The following PRRC2B variants were observed in gnomAD, a reference collection of about 807,000 sequenced individuals.
PRRC2B encodes the protein proline rich coiled-coil 2B.
A neutral mutation model predicts 242.3 loss-of-function variants in PRRC2B; 68 were observed. That is an observed-to-expected ratio of 0.28 (90% CI 0.23 to 0.34). PRRC2B has a LOEUF of 0.34. Among genes scored for constraint, PRRC2B ranks in the 10% least tolerant of loss-of-function variants. The pLI, the probability that PRRC2B is intolerant of heterozygous loss-of-function variation, is 1.00. For synonymous variants in PRRC2B, 1,228 were observed against 1,173.6 expected (o/e 1.05, Z -0.95); for missense variants, 2,835 against 2,954.8 (o/e 0.96, Z 0.94).
At chr9:131,419,422 A>G (rs1433927983) in intron 1 of PRRC2B, among the ~76,000 whole-genome samples, 1 of 152,178 alleles carries the variant, frequency 6.6e-6, no homozygotes, top group Non-Finnish European at 1.5e-5. Flanking sequence ...CCCAGTGCAC[A>G]GGAGGAGGTA....
intron 5 of PRRC2B, among the ~76,000 whole-genome samples, chr9:131,443,437 A>G (rs1225168569): frequency 2.0e-5 from 3 of 149,314 alleles, no homozygotes; most frequent in Admixed American, 2.0e-4. Flanking sequence ...CGCCTGGCCT[A>G]TTTTTTTATT....
At chr9:131,406,909 C>G (rs922690309) in intron 1 of PRRC2B, among the ~76,000 whole-genome samples, 1 of 152,212 alleles carries the variant, frequency 6.6e-6, no homozygotes, top group Admixed American at 6.5e-5. Context: ...CAAGAGAGGA[C>G]TGCTGTCTTA....
Position 131,494,284 on chromosome 9 carries a change from C to T in PRRC2B, c.6474-121C>T, listed in dbSNP as rs904865356. 3.5e-5 allele frequency: 22 copies of T among 620,634 alleles called. No homozygotes were observed. The highest frequency in any genetic ancestry group is 3.1e-4 in the Admixed American group (11 of 35,080). 38.4% of individuals were successfully genotyped at this position (620,634 alleles called of 1,614,324 possible). Reference sequence around the variant, plus strand: ...CATCCAAGAGATCCACGGACCGTCCCGAGTGAGCGCCTCTGGCCGCAGGCC... The same window carrying T: ...CATCCAAGAGATCCACGGACCGTCCTGAGTGAGCGCCTCTGGCCGCAGGCC... On this transcript the variant is annotated intron_variant, in intron 30 of 31. Transcript: ENST00000683519. This position sits in a 1 kb window ranked among gnomAD's most constrained non-coding sequence, Gnocchi z 4.3.
chr9:131,473,283 C>G (rs1285946040), intron 14 of PRRC2B, among the ~76,000 whole-genome samples: 1 of 152,140 alleles, frequency 6.6e-6, no homozygotes, highest in Non-Finnish European at 1.5e-5. Context: ...TTTCTTGCCC[C>G]CTTCCTTGGA....
At chr9:131,489,221 G>A (rs1944114629) in intron 28 of PRRC2B, among the ~76,000 whole-genome samples, 1 of 137,604 alleles carries the variant, frequency 7.3e-6, no homozygotes, top group Non-Finnish European at 1.5e-5. Flanking sequence ...GTTTCGCTCT[G>A]TTGCCCAGGC....
intron 5 of PRRC2B, among the ~76,000 whole-genome samples, chr9:131,443,458 G>A (rs978340822): frequency 1.7e-4 from 25 of 150,898 alleles, no homozygotes; most frequent in African/African-American, 5.9e-4. Flanking sequence ...TTTAGAGAGA[G>A]GGTCTCACTT....
chr9:131,482,763 C>T lies in PRRC2B; in HGVS notation c.5229C>T (p.Gly1743=). Residue 1743 remains glycine (G), a synonymous_variant, in exon 22 of 32, where the codon GGC becomes GGT. Coordinates refer to ENST00000683519, the MANE Select transcript of PRRC2B (RefSeq NM_013318.4). This position sits in a 1 kb window ranked among gnomAD's most constrained non-coding sequence, Gnocchi z 5.2. ...AGGAGCACAGACCAGGACCCATCGG[C>T]AACGAGCGTTCTCTGAAAAACAGAA... ...QSKEHRPGPI[G]NERSLKNRKG... 1 of 1,612,026 alleles carries T rather than the reference C, an allele frequency of 6.2e-7. No individual in the cohort carries two copies. Among genetic ancestry groups the T allele is most frequent in the Non-Finnish European group, 8.5e-7 (1 of 1,178,990 alleles).
In PRRC2B at chr9:131,497,309, G is replaced by C. The variant is rs1037029111; in HGVS notation, c.*1435G>C. The C allele has an allele frequency of 6.6e-6, 1 of 152,272 alleles. No individual in the cohort carries two copies. Among genetic ancestry groups the C allele is most frequent in the African/African-American group, 2.4e-5 (1 of 41,466 alleles). The allele number at this position is 152,272 out of a possible 1,614,324, so 9.4% of individuals were successfully genotyped here. ...GCCAGAGGCTTGTGTGAGCCATCGT[G>C]TGCTGGGCTTGTTTTTAAGTAAGAA... On this transcript the variant is annotated 3_prime_UTR_variant, in exon 32 of 32. Transcript: ENST00000683519.
At chr9:131,488,914 T>A (rs1229487784) in intron 28 of PRRC2B, among the ~76,000 whole-genome samples, 1 of 152,222 alleles carries the variant, frequency 6.6e-6, no homozygotes, top group Non-Finnish European at 1.5e-5. Context: ...GCTTGCAGTC[T>A]GTCTCCACTC....
chr9:131,395,351 G>A (rs375792979), intron 1 of PRRC2B, among the ~76,000 whole-genome samples: 2 of 152,180 alleles, frequency 1.3e-5, no homozygotes, highest in South Asian at 4.2e-4. Flanking sequence ...AACCAATTGT[G>A]TGCGGTCTTA....
chr9:131,443,886 A>G (rs951553310), intron 5 of PRRC2B, among the ~76,000 whole-genome samples: 2 of 152,152 alleles, frequency 1.3e-5, no homozygotes, highest in African/African-American at 4.8e-5. Context: ...CAGTCAGTAG[A>G]ACCTTCCCTG....
At chr9:131,456,480 A>T (rs1196736164) in intron 10 of PRRC2B, among the ~76,000 whole-genome samples, 1 of 151,926 alleles carries the variant, frequency 6.6e-6, no homozygotes, top group Non-Finnish European at 1.5e-5. Context: ...AAATACAAAA[A>T]ACTAGCTGGG....
chr9:131,390,206 T>C (rs550571035), upstream of PRRC2B, among the ~76,000 whole-genome samples: 356 of 148,726 alleles, frequency 2.4e-3, 2 homozygotes, highest in African/African-American at 8.3e-3. Flanking sequence ...AGCCACTGCG[T>C]CTGGCCTGTG....
At chr9:131,375,027 A>G (rs1836666409) in intron 1 of PRRC2B, among the ~76,000 whole-genome samples, 1 of 152,188 alleles carries the variant, frequency 6.6e-6, no homozygotes, top group Admixed American at 6.6e-5. Context: ...CAGACTACCC[A>G]GGTTTGAGTC....
chr9:131,405,250 A>C (rs1404542333), intron 1 of PRRC2B, among the ~76,000 whole-genome samples: 1 of 152,192 alleles, frequency 6.6e-6, no homozygotes, highest in Non-Finnish European at 1.5e-5. Context: ...GGTGAAGGCC[A>C]CTGTGGGAGC....
Position 131,473,618 on chromosome 9 carries a change from T to C in PRRC2B, c.2218T>C (p.Ser740Pro), listed in dbSNP as rs1158091418. ...AGAAAGAAAAGTGACCCCCATCGAC[T>C]CACCCCCTGTGTGGAGCCCAGAGGG... ...LQERKVTPID[S>P]PPVWSPEGYM... Residue 740 changes from serine to proline, a missense_variant, in exon 15 of 32, where the codon TCA becomes CCA. Physicochemically the swap from Ser to Pro is moderately conservative, Grantham distance 74. Coordinates refer to ENST00000683519, the MANE Select transcript of PRRC2B (RefSeq NM_013318.4). The C allele has an allele frequency of 6.2e-7, 1 of 1,613,530 alleles. No homozygotes were observed. Among genetic ancestry groups the C allele is most frequent in the Non-Finnish European group, 8.5e-7 (1 of 1,179,766 alleles).
At chr9:131,404,676 A>G (rs967797610) in intron 1 of PRRC2B, among the ~76,000 whole-genome samples, 1 of 152,176 alleles carries the variant, frequency 6.6e-6, no homozygotes, top group Non-Finnish European at 1.5e-5. Context: ...GTATTCTTCA[A>G]GCATGCTGCT....
At chr9:131,425,555 C>G (rs907192136) in intron 1 of PRRC2B, among the ~76,000 whole-genome samples, 1 of 151,936 alleles carries the variant, frequency 6.6e-6, no homozygotes, top group African/African-American at 2.4e-5. Context: ...GTGGCGCGAT[C>G]TCAGCTCACT....
At position 131,498,700 on chromosome 9, in the gene PRRC2B, TC is replaced by T. The variant is rs1944393981; in HGVS notation, c.*2828del. 1 of 152,230 alleles carries T rather than the reference TC, an allele frequency of 6.6e-6. No individual in the cohort carries two copies. The highest frequency in any genetic ancestry group is 1.5e-5 in the Non-Finnish European group (1 of 68,054). The allele number at this position is 152,230 out of a possible 1,614,324, so 9.4% of individuals were successfully genotyped here. On this transcript the variant is annotated 3_prime_UTR_variant, in exon 32 of 32. Coordinates refer to ENST00000683519, the MANE Select transcript of PRRC2B (RefSeq NM_013318.4). ...ACAGGTGGAGACCAGCACTTCCCTTTCCTGCTGCTGAGGTAGGGATTGGGGG... is the reference window on the plus strand; with the variant it reads ...ACAGGTGGAGACCAGCACTTCCCTTTCTGCTGCTGAGGTAGGGATTGGGGG...
Sources: gnomAD v4.1 joint callset for allele counts (sites outside exome capture counted in the v4.1 genomes callset) on GRCh38, gnomAD v4.1.1 for gene constraint, Gnocchi (gnomAD v3.1) non-coding constraint, MANE v1.5 for transcripts, NCBI Gene and HGNC (gene_info 2026-07-23, HGNC 2026-07-21) for gene names.